Variants in TBC1D2B observed in about 807,000 individuals in gnomAD.
TBC1D2B encodes the protein TBC1 domain family member 2B.
TBC1D2B carries 64 observed loss-of-function variants against 100.8 expected under a neutral mutation model. The ratio of observed to expected loss-of-function variants is 0.64; its 90% CI spans 0.52 to 0.78. The LOEUF (loss-of-function observed/expected upper bound fraction) is 0.78. TBC1D2B is among the 30% of genes least tolerant of loss of function. The pLI is 0.00. For missense variants in TBC1D2B, 1,052 were observed against 1,218.4 expected (o/e 0.86, Z 2.03); for synonymous variants, 480 against 479.7 (o/e 1.00, Z -0.01).
At chr15:78,031,565 AAAAAAAAAAAGAG>A (rs1200734118) in intron 3 of TBC1D2B, among the ~76,000 whole-genome samples, 7 of 150,384 alleles carry the variant, frequency 4.7e-5, no homozygotes, top group African/African-American at 1.7e-4. Context: ...AAAAAAAAAA[AAAAAAAAAAAGAG>A]AGAGAGAGAG....
chr15:78,031,574 A>AAAAAAAAC (rs1452770906), intron 3 of TBC1D2B, among the ~76,000 whole-genome samples: 1 of 147,594 alleles, frequency 6.8e-6, no homozygotes, highest in Non-Finnish European at 1.5e-5. Flanking sequence ...AAAAAAAAAA[A>AAAAAAAAC]AGAGAGAGAG....
rs1264975978 is a variant in TBC1D2B, at chr15:78,012,882, A to G, written c.2211T>C (p.Asn737=). ...TCCGCCAGGAGAAGGCGAGGAGGAC[A>G]TTGCGTAACTTCTGTATGCCTTCTG... is the stretch of plus-strand genomic sequence containing the variant. ...PTSEGIQKLR[N]VLLAFSWRNP... Residue 737 remains asparagine, a synonymous_variant, in exon 9 of 13, where the codon AAT becomes AAC. Coordinates refer to ENST00000300584, the MANE Select transcript of TBC1D2B (RefSeq NM_144572.2). 2.6e-6 allele frequency: 4 copies of G among 1,521,710 alleles called. No homozygotes were observed. Among genetic ancestry groups the G allele is most frequent in the Non-Finnish European group, 1.8e-6 (2 of 1,135,344 alleles). The allele number at this position is 1,521,710 out of a possible 1,614,324, so 94.3% of individuals were successfully genotyped here. A position where few individuals can be genotyped will look rare whatever the true frequency, so the allele number is the denominator to read the frequency against.
intron 9 of TBC1D2B, 24 bp from the exon 10 acceptor site, chr15:78,009,138 T>C (rs2072153130): frequency 3.3e-6 from 5 of 1,530,350 alleles, no homozygotes; most frequent in Non-Finnish European, 3.6e-6. Context: ...GAGGACAAGA[T>C]GAGAGCCCAG....
chr15:78,029,532 C>G (rs2072756195), intron 4 of TBC1D2B, among the ~76,000 whole-genome samples: 1 of 152,140 alleles, frequency 6.6e-6, no homozygotes, highest in Admixed American at 6.5e-5. Context: ...GAGATACATA[C>G]TGAAGTATTT....
At chr15:78,004,399 C>T (rs1049023625) in intron 10 of TBC1D2B, among the ~76,000 whole-genome samples, 1 of 152,224 alleles carries the variant, frequency 6.6e-6, no homozygotes, top group African/African-American at 2.4e-5. Context: ...AGAGCTCAGG[C>T]TTCCAGGCAG....
intron 1 of TBC1D2B, among the ~76,000 whole-genome samples, chr15:78,069,979 A>AT: frequency 6.6e-6 from 1 of 152,320 alleles, no homozygotes; most frequent in Middle Eastern, 3.4e-3. Context: ...AGCAGCACAA[A>AT]TGGCCTAAAA....
intron 1 of TBC1D2B, among the ~76,000 whole-genome samples, chr15:78,074,073 G>C (rs2073786153): frequency 6.6e-6 from 1 of 151,698 alleles, no homozygotes; most frequent in Non-Finnish European, 1.5e-5. Flanking sequence ...GCTCAGGCTG[G>C]AGTGCAGTGG....
At chr15:78,011,704 A>G (rs1020294256) in intron 9 of TBC1D2B, among the ~76,000 whole-genome samples, 6 of 143,640 alleles carry the variant, frequency 4.2e-5, no homozygotes, top group African/African-American at 1.6e-4. Flanking sequence ...GCTGGAGTGC[A>G]GTGGTGCAAT....
At chr15:78,039,019 C>T (rs1312285103) in intron 3 of TBC1D2B, among the ~76,000 whole-genome samples, 1 of 152,038 alleles carries the variant, frequency 6.6e-6, no homozygotes, top group Non-Finnish European at 1.5e-5. Flanking sequence ...ACACACACAC[C>T]CCAGCCAACT....
chr15:78,017,777 CATGCTTATTTTTA>C, intron 7 of TBC1D2B, 57 bp downstream of exon 7: 1 of 1,010,666 alleles, frequency 9.9e-7, no homozygotes. Context: ...CTTTGTAAAG[CATGCTTATTTTTA>C]ATGGTTTCCT....
chr15:78,043,256 C>G (rs1007244720), intron 3 of TBC1D2B, among the ~76,000 whole-genome samples: 1 of 152,120 alleles, frequency 6.6e-6, no homozygotes. Context: ...TAAGAACACC[C>G]CAGCCCCATC....
chr15:78,000,073 T>C (rs117199605), intron 12 of TBC1D2B, among the ~76,000 whole-genome samples: 3,932 of 152,310 alleles, frequency 0.026, 71 homozygotes, highest in Non-Finnish European at 0.04. Flanking sequence ...ACTGAGGCTC[T>C]AGCCCAGAGG....
At chr15:78,070,953 G>C (rs2073733815) in intron 1 of TBC1D2B, among the ~76,000 whole-genome samples, 1 of 152,224 alleles carries the variant, frequency 6.6e-6, no homozygotes, top group African/African-American at 2.4e-5. Context: ...CTCCCAAGCA[G>C]CTGGGATTAC....
intron 11 of TBC1D2B, 38 bp from the exon 12 acceptor site, chr15:78,001,778 C>A: frequency 6.4e-7 from 1 of 1,573,802 alleles, no homozygotes; most frequent in Admixed American, 1.8e-5. Context: ...GTGGAAAAAC[C>A]CTGTGGGTCC....
intron 1 of TBC1D2B, among the ~76,000 whole-genome samples, chr15:78,072,276 T>C (rs2073752910): frequency 1.3e-5 from 2 of 152,158 alleles, no homozygotes; most frequent in South Asian, 4.1e-4. Context: ...GAGGACTGTG[T>C]GAGGCAGTGG....
intron 7 of TBC1D2B, 100 bp downstream of exon 7, chr15:78,017,747 C>T: frequency 2.9e-6 from 2 of 679,032 alleles, no homozygotes; most frequent in Non-Finnish European, 5.0e-6. Context: ...CACATCTCTC[C>T]AAGCCTGGGA....
chr15:78,026,713 C>T (rs2072678169), intron 4 of TBC1D2B, among the ~76,000 whole-genome samples: 1 of 151,894 alleles, frequency 6.6e-6, no homozygotes, highest in Non-Finnish European at 1.5e-5. Flanking sequence ...GTCGGGAGTT[C>T]GAGACCAGCC....
At chr15:78,016,110 C>T (rs1176795725) in intron 8 of TBC1D2B, among the ~76,000 whole-genome samples, 4 of 152,128 alleles carry the variant, frequency 2.6e-5, no homozygotes, top group Non-Finnish European at 1.5e-5. Flanking sequence ...GTTCTTAATC[C>T]AAGATCCATC....
chr15:78,019,901 AG>A (rs1225372578), intron 6 of TBC1D2B, among the ~76,000 whole-genome samples: 6 of 137,146 alleles, frequency 4.4e-5, no homozygotes, highest in South Asian at 2.7e-4. Flanking sequence ...AAAAAAAAAA[AG>A]GGGGGGGGAG....
Sources: allele counts gnomAD v4.1 joint callset (sites outside exome capture counted in the v4.1 genomes callset), GRCh38; gene constraint gnomAD v4.1.1; transcripts MANE v1.5; gene names NCBI Gene and HGNC (gene_info 2026-07-23, HGNC 2026-07-21).